The following ITCH variants were observed in gnomAD, a reference collection of about 807,000 sequenced individuals.
ITCH encodes E3 ubiquitin-protein ligase Itchy homolog.
ITCH carries 28 observed loss-of-function variants against 126.8 expected under a neutral mutation model. The ratio of observed to expected loss-of-function variants is 0.22; its 90% CI spans 0.16 to 0.30. The LOEUF is 0.30. Ranked by LOEUF, ITCH falls within the 10% of genes least tolerant of loss-of-function variation. ITCH has a pLI of 1.00. For synonymous variants in ITCH, 342 were observed against 340.0 expected (o/e 1.01, Z -0.06); for missense variants, 631 against 1,032.4 (o/e 0.61, Z 5.33).
intron 16 of ITCH, among the ~76,000 whole-genome samples, chr20:34,474,471 G>T (rs1987943958): frequency 6.6e-6 from 1 of 152,220 alleles, no homozygotes; most frequent in African/African-American, 2.4e-5. Context: ...AGAGAGCACA[G>T]GGTTGGGGGT....
chr20:34,506,714 C>T (rs1990639761), intron 24 of ITCH, among the ~76,000 whole-genome samples: 5 of 152,192 alleles, frequency 3.3e-5, no homozygotes, highest in Admixed American at 3.3e-4. Context: ...GAGACTGCTG[C>T]TTTAAACAAT....
intron 2 of ITCH, among the ~76,000 whole-genome samples, chr20:34,374,834 G>C (rs1289956026): frequency 6.6e-6 from 1 of 151,784 alleles, no homozygotes; most frequent in Non-Finnish European, 1.5e-5. Context: ...CTGCCTCCCG[G>C]GTTCAAGCAA....
At chr20:34,405,028 A>G (rs1186329899) in intron 3 of ITCH, among the ~76,000 whole-genome samples, 1 of 150,900 alleles carries the variant, frequency 6.6e-6, no homozygotes, top group East Asian at 2.0e-4. Context: ...AGTCCCAGCC[A>G]CTTGGGAGGC....
At chr20:34,365,844 TG>T (rs1200187599) in intron 1 of ITCH, among the ~76,000 whole-genome samples, 1 of 152,224 alleles carries the variant, frequency 6.6e-6, no homozygotes, top group Non-Finnish European at 1.5e-5. Flanking sequence ...TTAGTAGGTC[TG>T]GGTTGGCTTC....
intron 12 of ITCH, among the ~76,000 whole-genome samples, chr20:34,454,886 A>G (rs939078232): frequency 7.2e-6 from 1 of 139,186 alleles, no homozygotes; most frequent in Non-Finnish European, 1.5e-5. Context: ...CTGGAGTGCA[A>G]TGGCATGATC....
chr20:34,416,925 T>TG (rs112485050), intron 6 of ITCH, among the ~76,000 whole-genome samples: 3 of 150,858 alleles, frequency 2.0e-5, no homozygotes, highest in African/African-American at 7.3e-5. Context: ...TTTTTTTTTT[T>TG]TGAGACGGAG....
chr20:34,385,489 G>T (rs979251726), intron 2 of ITCH, among the ~76,000 whole-genome samples: 1 of 151,976 alleles, frequency 6.6e-6, no homozygotes, highest in African/African-American at 2.4e-5. Context: ...ATTTATTGTG[G>T]CAAATGCTTT....
At chr20:34,410,335 A>G (rs752919232) in intron 4 of ITCH, among the ~76,000 whole-genome samples, 4 of 151,682 alleles carry the variant, frequency 2.6e-5, no homozygotes, top group Non-Finnish European at 5.9e-5. Flanking sequence ...AGATCGTGCC[A>G]TTGCGTTCCA....
intron 2 of ITCH, among the ~76,000 whole-genome samples, chr20:34,376,412 C>G (rs746389094): frequency 6.6e-6 from 1 of 151,786 alleles, no homozygotes; most frequent in Non-Finnish European, 1.5e-5. Context: ...TATGTCACTG[C>G]ACTCTAGTCT....
intron 7 of ITCH, among the ~76,000 whole-genome samples, chr20:34,431,891 A>C (rs935051051): frequency 6.6e-5 from 10 of 151,998 alleles, no homozygotes; most frequent in Non-Finnish European, 1.2e-4. Flanking sequence ...AATACAGAAA[A>C]AAGTTAGCTG....
chr20:34,498,887 A>C (rs1262905869), intron 23 of ITCH, among the ~76,000 whole-genome samples: 2 of 151,944 alleles, frequency 1.3e-5, no homozygotes. Flanking sequence ...ATTTTCTGGA[A>C]GAGCTTGAAA....
At chr20:34,449,794 A>G (rs529935164) in intron 12 of ITCH, among the ~76,000 whole-genome samples, 116 of 152,276 alleles carry the variant, frequency 7.6e-4, no homozygotes, top group African/African-American at 2.6e-3. Flanking sequence ...GGTGGACTTC[A>G]AGAGTAATTT....
At chr20:34,413,623 T>C in intron 5 of ITCH, 119 bp from the exon 6 acceptor site, 1 of 883,058 alleles carries the variant, frequency 1.1e-6, no homozygotes, top group Non-Finnish European at 1.7e-6. Context: ...AAACAGTTTA[T>C]ATGCACATAT....
chr20:34,496,884 C>A (rs1989925216), intron 23 of ITCH, among the ~76,000 whole-genome samples: 1 of 151,432 alleles, frequency 6.6e-6, no homozygotes, highest in Admixed American at 6.6e-5. Flanking sequence ...CTGTTTAATC[C>A]ATTTTGAGTT....
intron 14 of ITCH, among the ~76,000 whole-genome samples, chr20:34,468,255 C>T (rs914234179): frequency 1.3e-4 from 20 of 151,824 alleles, no homozygotes; most frequent in African/African-American, 4.8e-4. Flanking sequence ...AGGATGTTCT[C>T]AATCTCCTGA....
At chr20:34,472,346 A>C (rs1987711665) in intron 16 of ITCH, among the ~76,000 whole-genome samples, 1 of 150,958 alleles carries the variant, frequency 6.6e-6, no homozygotes, top group Admixed American at 6.6e-5. Context: ...CAGCCTGGGC[A>C]ATAAGAGCAA....
At position 34,509,003 on chromosome 20, in the gene ITCH, A is replaced by G. The variant is rs190591565; in HGVS notation, c.*1209A>G. ...ATTCTCTGTGAATTAAAAGTCTTCA[A>G]AGTTATCATTTCTCTGACATATGTT... On this transcript the variant is annotated 3_prime_UTR_variant, in exon 25 of 25. Coordinates refer to ENST00000374864, the MANE Select transcript of ITCH (RefSeq NM_031483.7). 1.0e-3 allele frequency: 158 copies of G among 152,616 alleles called. No individual in the cohort carries two copies. Among genetic ancestry groups the G allele is most frequent in the Non-Finnish European group, 9.0e-4 (61 of 68,034 alleles). The allele number at this position is 152,616 out of a possible 1,614,324, so 9.5% of individuals were successfully genotyped here.
chr20:34,503,850 TGGG>T (rs1990423029), intron 23 of ITCH, among the ~76,000 whole-genome samples: 1 of 147,246 alleles, frequency 6.8e-6, no homozygotes. Context: ...TTGGGTTTTT[TGGG>T]TTTTTTTTTT....
intron 16 of ITCH, among the ~76,000 whole-genome samples, chr20:34,471,848 G>T (rs957551213): frequency 1.3e-5 from 2 of 151,822 alleles, no homozygotes; most frequent in African/African-American, 2.4e-5. Context: ...GCATAGGTAA[G>T]ATAATAGGTT....
Sources: gnomAD v4.1 joint callset for allele counts (sites outside exome capture counted in the v4.1 genomes callset) on GRCh38, gnomAD v4.1.1 for gene constraint, MANE v1.5 for transcripts, NCBI Gene and HGNC (gene_info 2026-07-23, HGNC 2026-07-21) for gene names.